LIPI: variants seen among roughly 807,000 people sequenced by gnomAD.
The protein encoded by LIPI is lipase I, also known as lipase member I.
Under a neutral mutation model 50.6 loss-of-function variants are expected in LIPI, and 59 were observed. That is an observed-to-expected ratio of 1.16 (90% CI 0.94 to 1.45). The LOEUF is 1.45. LIPI is among the 40% of genes most tolerant of loss of function. LIPI has a pLI of 0.00. For missense variants in LIPI, 586 were observed against 536.3 expected (o/e 1.09, Z -0.92); for synonymous variants, 203 against 178.2 (o/e 1.14, Z -1.11).
intron 1 of LIPI, among the ~76,000 whole-genome samples, chr21:14,200,743 C>G (rs1457717351): frequency 6.6e-6 from 1 of 151,418 alleles, no homozygotes; most frequent in East Asian, 1.9e-4. Flanking sequence ...AGAGTATTCA[C>G]AGAATGAGAA....
chr21:14,149,502 C>T (rs533181490), intron 8 of LIPI, among the ~76,000 whole-genome samples: 2 of 152,290 alleles, frequency 1.3e-5, no homozygotes, highest in East Asian at 1.9e-4. Flanking sequence ...CAACAGTCCC[C>T]CAAAGTCTTA....
intron 1 of LIPI, among the ~76,000 whole-genome samples, chr21:14,192,341 T>C (rs1242009593): frequency 2.0e-5 from 3 of 152,110 alleles, no homozygotes; most frequent in African/African-American, 2.4e-5. Flanking sequence ...TGTGGGCGCC[T>C]GTAATCCCAG....
At chr21:14,204,725 T>C (rs1236416979) in intron 1 of LIPI, among the ~76,000 whole-genome samples, 1 of 151,958 alleles carries the variant, frequency 6.6e-6, no homozygotes, top group Non-Finnish European at 1.5e-5. Flanking sequence ...GGTGATGGAT[T>C]TTTAAATAAA....
intron 4 of LIPI, among the ~76,000 whole-genome samples, chr21:14,171,537 A>T (rs1277092617): frequency 6.7e-6 from 1 of 150,258 alleles, no homozygotes; most frequent in Non-Finnish European, 1.5e-5. Context: ...AATGGAACAG[A>T]ACAGAGCTCT....
At chr21:14,130,168 A>T (rs2017232951) in intron 9 of LIPI, among the ~76,000 whole-genome samples, 1 of 152,204 alleles carries the variant, frequency 6.6e-6, no homozygotes, top group Non-Finnish European at 1.5e-5. Context: ...TTTAGCCATA[A>T]TGTTTAAGAG....
intron 9 of LIPI, among the ~76,000 whole-genome samples, chr21:14,135,162 G>A (rs2017446395): frequency 6.6e-6 from 1 of 152,052 alleles, no homozygotes; most frequent in Admixed American, 6.6e-5. Flanking sequence ...AGACATACAA[G>A]CAACCAAGAA....
At chr21:14,183,806 C>T (rs1210257303) in intron 3 of LIPI, among the ~76,000 whole-genome samples, 6 of 152,094 alleles carry the variant, frequency 3.9e-5, no homozygotes, top group Non-Finnish European at 8.8e-5. Context: ...GAATGGCGAT[C>T]ATTAAAAAGT....
intron 7 of LIPI, among the ~76,000 whole-genome samples, chr21:14,159,531 TAA>T (rs1399662106): frequency 2.0e-5 from 3 of 151,408 alleles, no homozygotes; most frequent in Non-Finnish European, 4.4e-5. Context: ...AAAAAAACTA[TAA>T]GTCACATCAC....
At chr21:14,180,916 C>G (rs912589385) in intron 4 of LIPI, among the ~76,000 whole-genome samples, 3 of 152,266 alleles carry the variant, frequency 2.0e-5, no homozygotes, top group East Asian at 3.9e-4. Flanking sequence ...CTCTATCTTA[C>G]CACCATATCC....
At chr21:14,172,883 A>G (rs2018969040) in intron 4 of LIPI, among the ~76,000 whole-genome samples, 1 of 152,150 alleles carries the variant, frequency 6.6e-6, no homozygotes, top group Non-Finnish European at 1.5e-5. Flanking sequence ...AAAATAAAAT[A>G]AAAAGAAAAA....
chr21:14,137,116 C>G (rs1022737096), intron 9 of LIPI, among the ~76,000 whole-genome samples: 20 of 152,116 alleles, frequency 1.3e-4, no homozygotes, highest in African/African-American at 4.6e-4. Flanking sequence ...GAAGGATGAC[C>G]AGAAATAAGC....
At chr21:14,160,263 T>C (rs186044506) in intron 7 of LIPI, among the ~76,000 whole-genome samples, 25 of 151,262 alleles carry the variant, frequency 1.7e-4, no homozygotes, top group Non-Finnish European at 3.6e-4. Flanking sequence ...TGCTATGTGG[T>C]ACTAGAAAAA....
At chr21:14,155,538 A>T (rs796414673) in intron 7 of LIPI, among the ~76,000 whole-genome samples, 7 of 152,146 alleles carry the variant, frequency 4.6e-5, no homozygotes, top group African/African-American at 1.7e-4. Context: ...AAGCTGCAAA[A>T]GTAAAAACAA....
intron 7 of LIPI, among the ~76,000 whole-genome samples, chr21:14,153,717 A>G (rs2018180018): frequency 2.0e-5 from 3 of 152,274 alleles, no homozygotes; most frequent in Middle Eastern, 6.8e-3. Context: ...TCCATGCAGG[A>G]ACAGGAGAAA....
At chr21:14,184,126 G>T (rs376466633) in intron 3 of LIPI, among the ~76,000 whole-genome samples, 1 of 152,104 alleles carries the variant, frequency 6.6e-6, no homozygotes, top group Non-Finnish European at 1.5e-5. Flanking sequence ...CACATACACA[G>T]CATGGAATAC....
At chr21:14,182,241 T>C (rs534938439) in intron 3 of LIPI, among the ~76,000 whole-genome samples, 1 of 152,296 alleles carries the variant, frequency 6.6e-6, no homozygotes, top group East Asian at 1.9e-4. Flanking sequence ...ACTAGCTCAC[T>C]TTGGATTTAT....
At chr21:14,194,954 A>C (rs968295139) in intron 1 of LIPI, among the ~76,000 whole-genome samples, 19 of 152,148 alleles carry the variant, frequency 1.2e-4, no homozygotes, top group African/African-American at 4.3e-4. Context: ...TGGGAAAAAA[A>C]TTTAGACACT....
chr21:14,154,123 T>G (rs956441317), intron 7 of LIPI, among the ~76,000 whole-genome samples: 3 of 151,712 alleles, frequency 2.0e-5, no homozygotes, highest in African/African-American at 7.3e-5. Flanking sequence ...TAATTAATTT[T>G]TAATCCAGAC....
intron 4 of LIPI, among the ~76,000 whole-genome samples, chr21:14,172,610 G>A (rs1179102941): frequency 3.3e-5 from 5 of 151,592 alleles, no homozygotes; most frequent in Admixed American, 1.3e-4. Context: ...GTAAACTATC[G>A]CAAGAACAAA....
Sources: gnomAD v4.1 joint callset for allele counts (sites outside exome capture counted in the v4.1 genomes callset) on GRCh38, gnomAD v4.1.1 for gene constraint, MANE v1.5 for transcripts, NCBI Gene and HGNC (gene_info 2026-07-23, HGNC 2026-07-21) for gene names.